The following DOCK11 variants were observed in gnomAD, a reference collection of about 807,000 sequenced individuals.
The protein encoded by DOCK11 is dedicator of cytokinesis protein 11.
A neutral mutation model predicts 169.1 loss-of-function variants in DOCK11; 70 were observed. The ratio of observed to expected loss-of-function variants is 0.41; its 90% CI spans 0.34 to 0.51. The LOEUF is 0.51. Among genes scored for constraint, DOCK11 ranks in the 20% least tolerant of loss-of-function variants. The probability of loss-of-function intolerance (pLI) is 0.10; values close to 1 mark genes in which losing one functional copy is unlikely to be tolerated. For missense variants in DOCK11, 1,166 were observed against 1,538.8 expected, an observed-to-expected ratio of 0.76 and a Z score of 4.05; for synonymous variants, 529 against 541.3, an observed-to-expected ratio of 0.98 and a Z score of 0.32.
At chrX:118,660,552 C>A (rs1327803934) in intron 44 of DOCK11, among the ~76,000 whole-genome samples, 1 of 109,009 alleles carries the variant, frequency 9.2e-6, no homozygotes, top group Non-Finnish European at 1.9e-5. Context: ...GCAAGCTCCA[C>A]CTCCCGGGTT....
chrX:118,586,960 G>A (rs1048684198), intron 16 of DOCK11, among the ~76,000 whole-genome samples: 9 of 112,291 alleles, frequency 8.0e-5, no homozygotes, highest in Non-Finnish European at 1.7e-4. Flanking sequence ...GTAAATGGAG[G>A]TGTGGCATCC....
rs1207248429 is a variant in DOCK11, at chrX:118,648,040, AATATAAT to A, written c.4399-887_4399-881del. On this transcript the variant is annotated intron_variant, in intron 40 of 52. Transcript: ENST00000276202. ...AATATAAATTATAATATTATATAAT[AATATAAT>A]ATATAATATATAATATAAATTGTAA... 3.5e-4 allele frequency among the ~76,000 whole-genome samples: 19 copies of A among 53,898 alleles called. No homozygotes were observed. In the South Asian group the frequency reaches 4.8e-3, roughly 14 times the overall value. 46.8% of individuals were successfully genotyped at this position (53,898 alleles called of 115,157 possible).
intron 6 of DOCK11, among the ~76,000 whole-genome samples, chrX:118,547,715 A>G (rs773157405): frequency 1.1e-3 from 121 of 112,779 alleles, no homozygotes; most frequent in Admixed American, 2.2e-3. Context: ...TATGCTCTTA[A>G]CCAGTATACT....
intron 1 of DOCK11, among the ~76,000 whole-genome samples, chrX:118,527,206 C>T (rs1413826459): frequency 8.9e-6 from 1 of 112,390 alleles, no homozygotes; most frequent in African/African-American, 3.2e-5. Flanking sequence ...AACAAAACAA[C>T]TTCTACTGGT....
At chrX:118,549,422 G>C (rs1774514657) in intron 6 of DOCK11, among the ~76,000 whole-genome samples, 1 of 111,486 alleles carries the variant, frequency 9.0e-6, no homozygotes, top group Non-Finnish European at 1.9e-5. Flanking sequence ...GGGATTACAG[G>C]TGTGAGCCAC....
chrX:118,569,733 A>ATT lies in DOCK11; in HGVS notation c.1035+1584_1035+1585dup, dbSNP rs3084778. ...ATATTGCTTTAGTGCAAGTTATGTGATTTTTTTTTTTTTTGTAAAAAAGTA... is the reference window on the plus strand; with the variant it reads ...ATATTGCTTTAGTGCAAGTTATGTGATTTTTTTTTTTTTTTTGTAAAAAAGTA... On this transcript the variant is annotated intron_variant, in intron 10 of 52. Transcript: ENST00000276202. Among the ~76,000 whole-genome samples, 455 of 102,569 alleles carry ATT rather than the reference A, an allele frequency of 4.4e-3. 2 individuals are homozygous for ATT. The highest frequency in any genetic ancestry group is 0.015 in the African/African-American group (425 of 28,290). 89.1% of individuals were successfully genotyped at this position (102,569 alleles called of 115,157 possible).
chrX:118,496,930 C>T (rs2057542648), intron 1 of DOCK11, among the ~76,000 whole-genome samples: 1 of 111,565 alleles, frequency 9.0e-6, no homozygotes, highest in Non-Finnish European at 1.9e-5. Flanking sequence ...CCCTGGGAAC[C>T]CTCCCAGAGC....
intron 44 of DOCK11, among the ~76,000 whole-genome samples, chrX:118,656,012 G>T: frequency 9.0e-6 from 1 of 111,450 alleles, no homozygotes; most frequent in Middle Eastern, 4.6e-3. Flanking sequence ...ATTCTTGGCC[G>T]AGTGTGGTGA....
intron 44 of DOCK11, among the ~76,000 whole-genome samples, chrX:118,655,297 T>C (rs970365431): frequency 4.7e-5 from 5 of 106,470 alleles, no homozygotes; most frequent in African/African-American, 1.8e-4. Flanking sequence ...TGTGATCCTG[T>C]ACCTATTTTA....
At chrX:118,501,993 G>A (rs796132277) in intron 1 of DOCK11, among the ~76,000 whole-genome samples, 1 of 111,757 alleles carries the variant, frequency 8.9e-6, no homozygotes, top group Admixed American at 9.5e-5. Context: ...GTTGAGGCTT[G>A]AATGAATCTG....
chrX:118,568,457 T>A (rs758980490), intron 10 of DOCK11, among the ~76,000 whole-genome samples: 1 of 95,292 alleles, frequency 1.0e-5, no homozygotes, highest in African/African-American at 3.8e-5. Flanking sequence ...TTCACTTCCT[T>A]TTGCTCCTCA....
intron 16 of DOCK11, among the ~76,000 whole-genome samples, chrX:118,587,243 A>G (rs2013844053): frequency 8.9e-6 from 1 of 111,791 alleles, no homozygotes; most frequent in African/African-American, 3.3e-5. Flanking sequence ...AATCAGGATA[A>G]AGTTCTATAT....
intron 34 of DOCK11, among the ~76,000 whole-genome samples, chrX:118,629,514 A>G (rs976608465): frequency 8.9e-6 from 1 of 111,886 alleles, no homozygotes; most frequent in African/African-American, 3.2e-5. Context: ...AGATCTTGTC[A>G]TGCTTAATTT....
chrX:118,541,726 G>T (rs1486267598), intron 1 of DOCK11, among the ~76,000 whole-genome samples: 2 of 111,898 alleles, frequency 1.8e-5, no homozygotes, highest in African/African-American at 6.5e-5. Flanking sequence ...TATAGAAAGG[G>T]CTCAGTAAAT....
intron 46 of DOCK11, 151 bp downstream of exon 46, chrX:118,671,296 G>A (rs2016465188): frequency 2.3e-6 from 1 of 435,188 alleles, no homozygotes; most frequent in Non-Finnish European, 3.5e-6. Context: ...TTATCATAGA[G>A]TATAGTCTAT....
chrX:118,601,780 C>T (rs2147445270), intron 23 of DOCK11, among the ~76,000 whole-genome samples: 1 of 110,441 alleles, frequency 9.1e-6, no homozygotes, highest in South Asian at 3.8e-4. Flanking sequence ...GACTTTTTTT[C>T]TTTCTTTCTT....
intron 38 of DOCK11, among the ~76,000 whole-genome samples, 185 bp downstream of exon 38, chrX:118,639,762 A>G (rs768608194): frequency 8.9e-6 from 1 of 111,989 alleles, no homozygotes; most frequent in Non-Finnish European, 1.9e-5. Context: ...AATTGCCAAT[A>G]TGATGGGAAA....
chrX:118,636,353 CTT>C lies in DOCK11; in HGVS notation c.3895_3896del (p.Leu1299AsnfsTer5). The C allele has an allele frequency of 9.1e-7, 1 of 1,098,280 alleles. No individual in the cohort carries two copies. Among genetic ancestry groups the C allele is most frequent in the African/African-American group, 1.8e-5 (1 of 54,762 alleles). The allele number at this position is 1,098,280 out of a possible 1,213,427, so 90.5% of individuals were successfully genotyped here. ...IVKMISEDTL[L>X]TYWNKVSPQE... is the part of the protein sequence containing the mutation. ...TATTTATTCCATTTTCAGATACTCT[CTT>C]AACTTACTGGAATAAAGTATCACCT... On this transcript the variant is annotated frameshift_variant, in exon 36 of 53. Coordinates refer to ENST00000276202, the MANE Select transcript of DOCK11 (RefSeq NM_144658.4). LOFTEE classifies it high-confidence loss of function.
intron 6 of DOCK11, among the ~76,000 whole-genome samples, chrX:118,547,177 GT>G (rs2012316608): frequency 1.8e-5 from 2 of 111,444 alleles, no homozygotes; most frequent in African/African-American, 6.5e-5. Context: ...AAATATAACT[GT>G]TCTTTCAGAT....
Sources: gnomAD v4.1 joint callset for allele counts (sites outside exome capture counted in the v4.1 genomes callset) on GRCh38, gnomAD v4.1.1 for gene constraint, MANE v1.5 for transcripts, NCBI Gene and HGNC (gene_info 2026-07-23, HGNC 2026-07-21) for gene names.